Variants in FURIN observed in about 807,000 individuals in gnomAD.
FURIN encodes the protein FES upstream region.
In FURIN, 18 loss-of-function variants were observed where a neutral mutation model predicts 89.2. The ratio of observed to expected loss-of-function variants is 0.20; its 90% CI spans 0.14 to 0.30. The LOEUF (loss-of-function observed/expected upper bound fraction) is 0.30, where lower values mean the gene tolerates loss of function less well. FURIN is among the 10% of genes least tolerant of loss of function. FURIN has a pLI of 1.00. For synonymous variants in FURIN, 508 were observed against 466.4 expected, an observed-to-expected ratio of 1.09 and a Z score of -1.15; for missense variants, 879 against 1,100.5, an observed-to-expected ratio of 0.80 and a Z score of 2.85.
At position 90,881,540 on chromosome 15, in the gene FURIN, C is replaced by G. The variant is rs2031973457; in HGVS notation, c.2047C>G (p.Arg683Gly). 1 of 1,611,208 alleles carries G rather than the reference C, an allele frequency of 6.2e-7. No individual in the cohort carries two copies. The highest frequency in any genetic ancestry group is 1.7e-5 in the Admixed American group (1 of 59,876). Reference protein sequence around the residue: ...QTCSRQSQSSRESPPQQQPPR... With the variant: ...QTCSRQSQSSGESPPQQQPPR... ...TTGCTCCCGGCAAAGCCAGAGCAGC[C>G]GAGAGTCCCCGCCACAGCAGCAGCC... The change falls in exon 16 of 16, where the codon CGA becomes GGA. Residue 683 changes from arginine to glycine, a missense_variant. By Grantham distance (125) the Arg-to-Gly change is moderately radical. Transcript: ENST00000268171. The surrounding 1 kb of genome is among the most constrained non-coding windows in gnomAD (Gnocchi z 4.3).
intron 1 of FURIN, among the ~76,000 whole-genome samples, chr15:90,869,043 G>C (rs1015844378): frequency 6.6e-6 from 1 of 152,106 alleles, no homozygotes. Context: ...AGGATGACTG[G>C]GTGGATTTAG....
At position 90,876,356 on chromosome 15, in the gene FURIN, G is replaced by T; in HGVS notation, c.276+3G>T. 6.2e-7 allele frequency: 1 copy of T among 1,602,040 alleles called. No individual in the cohort carries two copies. Among genetic ancestry groups the T allele is most frequent in the Non-Finnish European group, 8.6e-7 (1 of 1,169,342 alleles). On this transcript the variant is annotated splice_donor_region_variant and intron_variant, in intron 3 of 15. Coordinates refer to ENST00000268171, the MANE Select transcript of FURIN (RefSeq NM_002569.4). This position sits in a 1 kb window ranked among gnomAD's most constrained non-coding sequence, Gnocchi z 5.0. ...GCCGGCTGCAGAGGGAGCCTCAAGT[G>T]AGTGTGGCCCCAGCCCCCTCCTGCT...
At position 90,878,265 on chromosome 15, in the gene FURIN, C is replaced by T. The variant is rs371760227; in HGVS notation, c.801C>T (p.Ala267=). Residue 267 remains alanine, a synonymous_variant, in exon 8 of 16, where the codon GCC becomes GCT. Transcript: ENST00000268171. ...ACGGCAAGACAGTGGATGGGCCAGC[C>T]CGCCTCGCCGAGGAGGCCTTCTTCC... ...EDDGKTVDGP[A]RLAEEAFFRG... 3 of 1,608,572 alleles carry T rather than the reference C, an allele frequency of 1.9e-6. No homozygotes were observed. The African/African-American group carries it at 4.0e-5, about 21-fold the overall frequency.
chr15:90,880,652 C>G (rs772006920), intron 13 of FURIN, 39 bp from the exon 14 acceptor site: 3 of 1,580,368 alleles, frequency 1.9e-6, no homozygotes. Flanking sequence ...GCTTGGGGTC[C>G]CGCAGAGGCC....
chr15:90,877,448 C>T lies in FURIN; in HGVS notation c.579-79C>T. On this transcript the variant is annotated intron_variant, in intron 6 of 15. Transcript: ENST00000268171. ...TGATGGGTGTCGGATGTGCGGATCC[C>T]TCGTGCTCCTCAGGCCACATCTGCC... 3 of 1,167,300 alleles carry T rather than the reference C, an allele frequency of 2.6e-6. No individual in the cohort carries two copies. In the South Asian group the frequency reaches 4.3e-5, roughly 17 times the overall value. The allele number at this position is 1,167,300 out of a possible 1,614,324, so 72.3% of individuals were successfully genotyped here.
At chr15:90,872,502 C>G (rs1325254770) in intron 1 of FURIN, among the ~76,000 whole-genome samples, 1 of 152,162 alleles carries the variant, frequency 6.6e-6, no homozygotes, top group African/African-American at 2.4e-5. Flanking sequence ...GGTGTGGACA[C>G]AGCATAGGAG....
chr15:90,877,471 G>C (rs2031694543), intron 6 of FURIN, 56 bp from the exon 7 acceptor site: 15 of 1,391,346 alleles, frequency 1.1e-5, no homozygotes, highest in South Asian at 2.6e-5. Context: ...GGCCACATCT[G>C]CCGGGCCCTG....
Position 90,878,752 on chromosome 15 carries a change from C to T in FURIN, c.841-12C>T, listed in dbSNP as rs750561577. The T allele has an allele frequency of 6.4e-7, 1 of 1,553,042 alleles. No individual in the cohort carries two copies. The highest frequency in any genetic ancestry group is 8.9e-7 in the Non-Finnish European group (1 of 1,126,274). On this transcript the variant is annotated splice_polypyrimidine_tract_variant and intron_variant, in intron 8 of 15. Transcript: ENST00000268171. The stretch of plus-strand genomic sequence containing the variant: ...CCCAATCTTGAATGACCCCAGCCCA[C>T]TCTGTCCACAGGGCCGAGGGGGGCT...
Position 90,880,127 on chromosome 15 carries a change from C to T in FURIN, c.1410C>T (p.Thr470=), listed in dbSNP as rs769119075. ...GGAAACGGCTCGAGGTGCGGAAGAC[C>T]GTGACCGCGTGCCTGGGCGAGCCCA... ...DIGKRLEVRK[T]VTACLGEPNH... is the part of the protein sequence containing the mutation. Residue 470 remains threonine, a synonymous_variant, in exon 13 of 16, where the codon ACC becomes ACT. Transcript: ENST00000268171. 8.1e-6 allele frequency: 13 copies of T among 1,608,582 alleles called. No individual in the cohort carries two copies. The highest frequency in any genetic ancestry group is 3.3e-4 in the Middle Eastern group (2 of 6,044).
chr15:90,869,943 T>C (rs2031210969), intron 1 of FURIN, among the ~76,000 whole-genome samples: 1 of 152,006 alleles, frequency 6.6e-6, no homozygotes, highest in South Asian at 2.1e-4. Flanking sequence ...ACTGCTGGAG[T>C]ATTGTTCTCC....
At chr15:90,880,558 G>A (rs1596079136) in intron 13 of FURIN, 133 bp from the exon 14 acceptor site, 21 of 996,876 alleles carry the variant, frequency 2.1e-5, no homozygotes, top group Non-Finnish European at 2.9e-5. Context: ...AAACAGCCAA[G>A]CCAGCAGGCA....
chr15:90,879,614 C>T (rs2031827584), intron 10 of FURIN, 57 bp from the exon 11 acceptor site: 1 of 1,569,878 alleles, frequency 6.4e-7, no homozygotes, highest in African/African-American at 1.3e-5. Context: ...CTTAGGGCAG[C>T]TGGAGAGCTG....
At chr15:90,878,651 C>T (rs2031768812) in intron 8 of FURIN, 113 bp from the exon 9 acceptor site, 3 of 652,190 alleles carry the variant, frequency 4.6e-6, no homozygotes, top group Non-Finnish European at 8.1e-6. Flanking sequence ...TCACAGGGGA[C>T]AGGAGGTTCC....
chr15:90,880,353 G>A (rs891994044), intron 13 of FURIN, 80 bp downstream of exon 13: 16 of 1,177,788 alleles, frequency 1.4e-5, no homozygotes, highest in Non-Finnish European at 1.8e-5. Flanking sequence ...TCGCTCACAC[G>A]GCCCAGGGGG....
At chr15:90,871,057 T>C (rs1008835092) in intron 1 of FURIN, among the ~76,000 whole-genome samples, 1 of 152,204 alleles carries the variant, frequency 6.6e-6, no homozygotes, top group African/African-American at 2.4e-5. Flanking sequence ...CCTCTAACAG[T>C]AGGCCAAGAG....
chr15:90,881,837 G>T lies in FURIN; in HGVS notation c.2344G>T (p.Gly782Cys). The T allele has an allele frequency of 6.2e-7, 1 of 1,613,152 alleles. No individual in the cohort carries two copies. Among genetic ancestry groups the T allele is most frequent in the Non-Finnish European group, 8.5e-7 (1 of 1,179,980 alleles). ...PSDSEEDEGR[G>C]ERTAFIKDQS... ...TGACTCAGAAGAGGACGAGGGCCGG[G>T]GCGAGAGGACCGCCTTTATCAAAGA... The change falls in exon 16 of 16, where the codon GGC becomes TGC. Residue 782 changes from glycine (G) to cysteine (C), a missense_variant. Gly to Cys is a radical substitution (Grantham distance 159). Around this residue, in one of 5 missense-constraint regions of FURIN, gnomAD observed 457 missense variants for 490.7 expected, o/e 0.93. Transcript: ENST00000268171. This position sits in a 1 kb window ranked among gnomAD's most constrained non-coding sequence, Gnocchi z 4.3.
At chr15:90,874,039 G>T (rs2031469171) in intron 1 of FURIN, among the ~76,000 whole-genome samples, 1 of 152,180 alleles carries the variant, frequency 6.6e-6, no homozygotes, top group Non-Finnish European at 1.5e-5. Context: ...CGGCAGAGTG[G>T]CCTTGGCTAT....
intron 1 of FURIN, among the ~76,000 whole-genome samples, chr15:90,870,422 C>T (rs962588593): frequency 6.6e-6 from 1 of 152,118 alleles, no homozygotes; most frequent in African/African-American, 2.4e-5. Flanking sequence ...CGGGTTGACA[C>T]AGGAAAAGAG....
At position 90,877,551 on chromosome 15, in the gene FURIN, A is replaced by G. The variant is rs1163257254; in HGVS notation, c.603A>G (p.Glu201=). ...DNRHGTRCAG[E]VAAVANNGVC... is the part of the protein sequence containing the mutation. ...GGCACGGCACACGGTGTGCGGGGGA[A>G]GTGGCTGCGGTGGCCAACAACGGTG... is the stretch of plus-strand genomic sequence containing the variant. The change falls in exon 7 of 16, where the codon GAA becomes GAG. Residue 201 remains glutamate (E), a synonymous_variant. Transcript: ENST00000268171. The G allele has an allele frequency of 3.2e-6, 5 of 1,578,662 alleles. No homozygotes were observed. Among genetic ancestry groups the G allele is most frequent in the South Asian group, 1.2e-5 (1 of 86,032 alleles).
Sources: allele counts gnomAD v4.1 joint callset (sites outside exome capture counted in the v4.1 genomes callset), GRCh38; gene constraint gnomAD v4.1.1; regional missense constraint gnomAD v4.1.1; non-coding constraint Gnocchi (gnomAD v3.1); transcripts MANE v1.5; gene names NCBI Gene and HGNC (gene_info 2026-07-23, HGNC 2026-07-21).